POMK: variants seen among roughly 807,000 people sequenced by gnomAD.
POMK encodes protein O-mannose kinase, also known as Sugen kinase 196.
In POMK, 19 loss-of-function variants were observed where a neutral mutation model predicts 23.0. The observed-to-expected ratio is 0.83, with a 90% CI of 0.58 to 1.21. The LOEUF (loss-of-function observed/expected upper bound fraction) is 1.21. Among genes scored for constraint, POMK ranks in the 50% most tolerant of loss-of-function variants. The pLI, the probability that POMK is intolerant of heterozygous loss-of-function variation, is 0.00. For synonymous variants in POMK, 173 were observed against 171.6 expected (o/e 1.01, Z -0.06); for missense variants, 410 against 431.3 (o/e 0.95, Z 0.44).
intron 4 of POMK, among the ~76,000 whole-genome samples, chr8:43,109,912 G>T (rs1020011216): frequency 1.3e-5 from 2 of 152,106 alleles, no homozygotes; most frequent in African/African-American, 4.8e-5. Context: ...GAACAAAACT[G>T]TTTTAAGAAA....
At chr8:43,107,457 C>G (rs1043546421) in intron 4 of POMK, among the ~76,000 whole-genome samples, 3 of 152,126 alleles carry the variant, frequency 2.0e-5, no homozygotes, top group African/African-American at 7.2e-5. Flanking sequence ...TCACTGCAAC[C>G]TCCGCCTCCC....
chr8:43,097,299 C>G (rs1246323496), intron 1 of POMK, among the ~76,000 whole-genome samples: 1 of 152,158 alleles, frequency 6.6e-6, no homozygotes, highest in Non-Finnish European at 1.5e-5. Flanking sequence ...CGCCACAGGT[C>G]TGGGGAGCAC....
At chr8:43,102,824 C>T (rs1358079232) in intron 3 of POMK, among the ~76,000 whole-genome samples, 1 of 152,232 alleles carries the variant, frequency 6.6e-6, no homozygotes. Flanking sequence ...TGCACGGCTC[C>T]AGCGGTAGAG....
chr8:43,122,991 C>A lies in POMK; in HGVS notation c.*114C>A. 2.2e-6 allele frequency: 2 copies of A among 924,552 alleles called. No individual in the cohort carries two copies. The highest frequency in any genetic ancestry group is 3.2e-6 in the Non-Finnish European group (2 of 617,168). The allele number at this position is 924,552 out of a possible 1,614,324, so 57.3% of individuals were successfully genotyped here. ...TCGTGTTTTATTGTTTTTTTTATGG[C>A]TTAGCCATGTGGTTCGTTGTCCACA... On this transcript the variant is annotated 3_prime_UTR_variant, in exon 5 of 5. Transcript: ENST00000331373.
intron 1 of POMK, among the ~76,000 whole-genome samples, chr8:43,095,141 TC>T (rs2130590483): frequency 6.6e-6 from 1 of 152,296 alleles, no homozygotes; most frequent in Non-Finnish European, 1.5e-5. Context: ...TTAGTTCAAC[TC>T]CCGAGCATTG....
intron 3 of POMK, 104 bp from the exon 4 acceptor site, chr8:43,103,424 A>G: frequency 9.5e-7 from 1 of 1,055,790 alleles, no homozygotes; most frequent in Non-Finnish European, 1.4e-6. Flanking sequence ...GTAACGCTGC[A>G]GCTTACAGGA....
At chr8:43,094,324 A>G (rs1295110962) in intron 1 of POMK, among the ~76,000 whole-genome samples, 1 of 152,146 alleles carries the variant, frequency 6.6e-6, no homozygotes. Flanking sequence ...GGCGTGAGCT[A>G]CTGGGTCCGG....
intron 2 of POMK, among the ~76,000 whole-genome samples, chr8:43,100,290 G>A (rs1432136554): frequency 6.6e-6 from 1 of 152,140 alleles, no homozygotes; most frequent in Admixed American, 6.5e-5. Context: ...GGCCCAGTGT[G>A]TGCTTAGGGA....
At chr8:43,101,052 C>G (rs1469741670) in intron 2 of POMK, among the ~76,000 whole-genome samples, 1 of 152,022 alleles carries the variant, frequency 6.6e-6, no homozygotes, top group Non-Finnish European at 1.5e-5. Context: ...GTGCTTGCAT[C>G]TGTGGGGTAC....
intron 1 of POMK, among the ~76,000 whole-genome samples, 173 bp from the exon 2 acceptor site, chr8:43,097,351 T>G (rs890253095): frequency 6.6e-6 from 1 of 152,166 alleles, no homozygotes; most frequent in Non-Finnish European, 1.5e-5. Flanking sequence ...AAGATAGTGA[T>G]CACTTCTTGA....
At position 43,103,731 on chromosome 8, in the gene POMK, G is replaced by A. The variant is rs778749095; in HGVS notation, c.183G>A (p.Arg61=). The A allele has an allele frequency of 2.0e-5, 33 of 1,614,066 alleles. No individual in the cohort carries two copies. Among genetic ancestry groups the A allele is most frequent in the Non-Finnish European group, 2.8e-5 (33 of 1,180,048 alleles). ...CACACTGTCCCTATGGTCACTTCAG[G>A]ATAGGACAGATGAAAAACTGCTCAC... ...DPTHCPYGHF[R]IGQMKNCSPW... is the part of the protein sequence containing the mutation. Residue 61 remains arginine (R), a synonymous_variant, in exon 4 of 5, where the codon AGG becomes AGA. Transcript: ENST00000331373.
intron 4 of POMK, among the ~76,000 whole-genome samples, chr8:43,113,686 C>T (rs1811730835): frequency 6.6e-6 from 1 of 152,222 alleles, no homozygotes; most frequent in Non-Finnish European, 1.5e-5. Flanking sequence ...GAGAGACGCT[C>T]TGCTTTTTAG....
chr8:43,109,159 C>G (rs1370531823), intron 4 of POMK, among the ~76,000 whole-genome samples: 3 of 152,080 alleles, frequency 2.0e-5, no homozygotes, highest in Non-Finnish European at 4.4e-5. Flanking sequence ...TTGTTAAATA[C>G]CAAACGTTTA....
intron 4 of POMK, among the ~76,000 whole-genome samples, chr8:43,112,886 G>A (rs1343118495): frequency 6.6e-6 from 1 of 152,162 alleles, no homozygotes; most frequent in Admixed American, 6.5e-5. Flanking sequence ...TCACCACCAG[G>A]CCTGCCCTAA....
At chr8:43,106,449 T>G (rs1367447778) in intron 4 of POMK, among the ~76,000 whole-genome samples, 1 of 152,146 alleles carries the variant, frequency 6.6e-6, no homozygotes, top group Non-Finnish European at 1.5e-5. Flanking sequence ...TTAACTCTAT[T>G]TGTTTCCTTT....
At chr8:43,119,915 T>G (rs1811877745) in intron 4 of POMK, among the ~76,000 whole-genome samples, 4 of 151,664 alleles carry the variant, frequency 2.6e-5, no homozygotes, top group African/African-American at 9.7e-5. Flanking sequence ...TCTAACTCCA[T>G]TTTATATAAT....
chr8:43,121,327 C>T (rs73629163), intron 4 of POMK, among the ~76,000 whole-genome samples: 12,732 of 152,180 alleles, frequency 0.084, 1,306 homozygotes, highest in African/African-American at 0.24. Flanking sequence ...AGAGGTTCTT[C>T]CTTTAATTAC....
chr8:43,122,537 C>A lies in POMK; in HGVS notation c.713C>A (p.Ser238Tyr). Residue 238 changes from serine to tyrosine, a missense_variant, in exon 5 of 5, where the codon TCC (serine) becomes TAC (tyrosine). Physicochemically the swap from Ser to Tyr is moderately radical, Grantham distance 144. Coordinates refer to ENST00000331373, the MANE Select transcript of POMK (RefSeq NM_032237.5). ...LDALPLVNHS[S>Y]GMLVKCGHRE... Reference sequence around the variant, plus strand: ...GCCTTACCCCTGGTGAACCACAGCTCCGGGATGCTGGTGAAGTGCGGCCAC... The same window carrying A: ...GCCTTACCCCTGGTGAACCACAGCTACGGGATGCTGGTGAAGTGCGGCCAC... 1 of 1,614,166 alleles carries A rather than the reference C, an allele frequency of 6.2e-7. No individual in the cohort carries two copies.
rs545283065 is a variant in POMK, at chr8:43,104,154, G to A, written c.282+324G>A. ...TTATCTTTTTTTTTTTGAGAGTCTC[G>A]CTCTGTCACCCAGGCTGGAGTGCAA... On this transcript the variant is annotated intron_variant, in intron 4 of 4. Coordinates refer to ENST00000331373, the MANE Select transcript of POMK (RefSeq NM_032237.5). Among the ~76,000 whole-genome samples the A allele has an allele frequency of 5.3e-5, 8 of 151,172 alleles. No homozygotes were observed. The South Asian group carries it at 1.7e-3, about 32-fold the overall frequency.
Sources: allele counts gnomAD v4.1 joint callset (sites outside exome capture counted in the v4.1 genomes callset), GRCh38; gene constraint gnomAD v4.1.1; transcripts MANE v1.5; gene names NCBI Gene and HGNC (gene_info 2026-07-23, HGNC 2026-07-21).